RERE: variants seen among roughly 807,000 people sequenced by gnomAD.
RERE encodes arginine-glutamic acid dipeptide repeats protein.
A neutral mutation model predicts 146.1 loss-of-function variants in RERE; 40 were observed. The observed-to-expected ratio is 0.27, with a 90% CI of 0.21 to 0.36. The LOEUF (loss-of-function observed/expected upper bound fraction) is 0.36, where lower values mean the gene tolerates loss of function less well. RERE is among the 10% of genes least tolerant of loss of function. The pLI, the probability that RERE is intolerant of heterozygous loss-of-function variation, is 1.00. For missense variants in RERE, 1,933 were observed against 2,138.7 expected (o/e 0.90, Z 1.90); for synonymous variants, 1,003 against 866.0 (o/e 1.16, Z -2.78).
At chr1:8,606,442 A>G (rs1570502274) in intron 4 of RERE, among the ~76,000 whole-genome samples, 1 of 152,214 alleles carries the variant, frequency 6.6e-6, no homozygotes, top group African/African-American at 2.4e-5. Context: ...TTTAAAAAAA[A>G]ATTACCAAGG....
intron 1 of RERE, chr1:8,786,389 T>TGATGC: frequency 1.2e-6 from 1 of 858,192 alleles, no homozygotes. Context: ...TCCATGCAGA[T>TGATGC]GATGCCATAT....
chr1:8,414,682 C>T (rs1477994052), intron 12 of RERE, among the ~76,000 whole-genome samples: 6 of 132,774 alleles, frequency 4.5e-5, no homozygotes, highest in South Asian at 4.8e-4. Context: ...GTGGGGGGGT[C>T]GGTGGGGGGA....
intron 1 of RERE, among the ~76,000 whole-genome samples, chr1:8,709,527 T>C (rs1319982902): frequency 6.6e-6 from 1 of 152,208 alleles, no homozygotes; most frequent in Admixed American, 6.5e-5. Context: ...TACAAAAGCA[T>C]GCACATATAC....
chr1:8,401,119 T>C (rs1165524053), intron 12 of RERE, among the ~76,000 whole-genome samples: 5 of 146,680 alleles, frequency 3.4e-5, no homozygotes, highest in African/African-American at 7.5e-5. Flanking sequence ...ATTAAGCACA[T>C]GTCCTGTCAT....
At chr1:8,792,321 T>C (rs1217759842) in intron 1 of RERE, 1 of 152,216 alleles carries the variant, frequency 6.6e-6, no homozygotes, top group Non-Finnish European at 1.5e-5. Context: ...AAATACACTA[T>C]GTAGTTGGCT....
At chr1:8,790,948 C>T (rs1641353803) in intron 1 of RERE, among the ~76,000 whole-genome samples, 1 of 152,214 alleles carries the variant, frequency 6.6e-6, no homozygotes, top group Non-Finnish European at 1.5e-5. Context: ...AAAAACCAAA[C>T]ACTGTGTCCC....
intron 2 of RERE, among the ~76,000 whole-genome samples, chr1:8,654,329 C>A (rs1638219581): frequency 6.6e-6 from 1 of 152,018 alleles, no homozygotes; most frequent in Non-Finnish European, 1.5e-5. Context: ...AGCCACCGTG[C>A]CCAGCCCCAC....
chr1:8,683,488 T>G (rs1444967660), intron 1 of RERE, among the ~76,000 whole-genome samples: 6 of 152,058 alleles, frequency 3.9e-5, no homozygotes, highest in African/African-American at 1.4e-4. Flanking sequence ...CACACAGAAA[T>G]TCTACAACCC....
intron 8 of RERE, 55 bp from the exon 9 acceptor site, chr1:8,497,584 C>G (rs1645062346): frequency 1.9e-6 from 3 of 1,593,598 alleles, no homozygotes; most frequent in African/African-American, 1.3e-5. Context: ...TTATAAAGAG[C>G]TATCTCAATA....
intron 11 of RERE, among the ~76,000 whole-genome samples, chr1:8,443,021 C>T (rs1240376141): frequency 6.6e-6 from 1 of 152,190 alleles, no homozygotes; most frequent in East Asian, 1.9e-4. Flanking sequence ...CTCTAAGCAG[C>T]AAAGTATTCA....
At chr1:8,394,967 G>C (rs1643005187) in intron 12 of RERE, among the ~76,000 whole-genome samples, 1 of 151,710 alleles carries the variant, frequency 6.6e-6, no homozygotes, top group East Asian at 1.9e-4. Context: ...AACGTCTGTT[G>C]AGTGGTTGAG....
chr1:8,651,678 A>T lies in RERE; in HGVS notation c.325+4295T>A, dbSNP rs1030793235. On this transcript the variant is annotated intron_variant, in intron 2 of 22. Coordinates refer to ENST00000400908, the MANE Select transcript of RERE (RefSeq NM_001042681.2). ...GAGGTCAAGGCTGCAGTGAGCTGTG[A>T]TCATACCACTGACAGCCTGGATGAC... Among the ~76,000 whole-genome samples, 14 of 151,868 alleles carry T rather than the reference A, an allele frequency of 9.2e-5. 1 individual carries two copies. In the South Asian group the frequency reaches 2.9e-3, roughly 32 times the overall value.
chr1:8,798,269 C>A (rs957907539), intron 1 of RERE, among the ~76,000 whole-genome samples: 10 of 151,986 alleles, frequency 6.6e-5, no homozygotes, highest in African/African-American at 2.4e-4. Context: ...TGGTGGCGAG[C>A]GCCTGTAATC....
chr1:8,355,748 A>G (rs2124353129), intron 21 of RERE, 149 bp from the exon 22 acceptor site: 1 of 717,944 alleles, frequency 1.4e-6, no homozygotes, highest in South Asian at 2.1e-5. Flanking sequence ...GCAGACAGCC[A>G]GAGGGCAGAG....
intron 2 of RERE, among the ~76,000 whole-genome samples, chr1:8,627,068 C>G (rs1244513606): frequency 1.3e-5 from 2 of 152,190 alleles, no homozygotes; most frequent in Non-Finnish European, 1.5e-5. Context: ...CTCTTCTTCT[C>G]TCCTTCTACT....
chr1:8,742,974 A>G (rs2124505320), intron 1 of RERE, among the ~76,000 whole-genome samples: 1 of 152,278 alleles, frequency 6.6e-6, no homozygotes, highest in Non-Finnish European at 1.5e-5. Context: ...CTTAGGATAC[A>G]AACAGACGTT....
At chr1:8,653,047 C>T (rs542994190) in intron 2 of RERE, among the ~76,000 whole-genome samples, 2 of 152,282 alleles carry the variant, frequency 1.3e-5, no homozygotes, top group South Asian at 2.1e-4. Flanking sequence ...TAGGGAGATA[C>T]TCAGCAGAAA....
intron 10 of RERE, among the ~76,000 whole-genome samples, chr1:8,491,189 C>T (rs866452496): frequency 1.3e-5 from 2 of 150,474 alleles, no homozygotes; most frequent in Non-Finnish European, 2.9e-5. Flanking sequence ...GCCTGTAATC[C>T]CAGAACTTTG....
intron 10 of RERE, among the ~76,000 whole-genome samples, chr1:8,472,022 G>A (rs1471858268): frequency 1.3e-5 from 2 of 152,164 alleles, no homozygotes; most frequent in Non-Finnish European, 2.9e-5. Context: ...ATGTTGGCCA[G>A]GCTGGTCTTG....
Sources: gnomAD v4.1 joint callset for allele counts (sites outside exome capture counted in the v4.1 genomes callset) on GRCh38, gnomAD v4.1.1 for gene constraint, MANE v1.5 for transcripts, NCBI Gene and HGNC (gene_info 2026-07-23, HGNC 2026-07-21) for gene names.